The following RBFOX1 variants were observed in gnomAD, a reference collection of about 807,000 sequenced individuals.
RBFOX1 encodes RNA binding protein fox-1 homolog 1.
Under a neutral mutation model 57.7 loss-of-function variants are expected in RBFOX1, and 8 were observed. That is an observed-to-expected ratio of 0.14 (90% CI 0.08 to 0.25). The LOEUF (loss-of-function observed/expected upper bound fraction) is 0.25. Ranked by LOEUF, RBFOX1 falls within the 10% of genes least tolerant of loss-of-function variation. RBFOX1 has a pLI of 1.00. For synonymous variants in RBFOX1, 326 were observed against 222.4 expected (o/e 1.47, Z -4.15); for missense variants, 611 against 548.5 (o/e 1.11, Z -1.14).
chr16:5,792,196 T>G (rs751374004), intron 3 of RBFOX1, among the ~76,000 whole-genome samples: 45 of 152,214 alleles, frequency 3.0e-4, no homozygotes, highest in Admixed American at 5.9e-4. Flanking sequence ...TTTCAAGTGA[T>G]GTGTGTATGC....
chr16:6,020,075 A>G lies in RBFOX1; in HGVS notation c.-127+83A>G, dbSNP rs555911320. The G allele has an allele frequency of 2.9e-4, 391 of 1,328,206 alleles. 4 individuals are homozygous for G. The South Asian group carries it at 4.4e-3, about 15-fold the overall frequency. The allele number at this position is 1,328,206 out of a possible 1,614,324, so 82.3% of individuals were successfully genotyped here. On this transcript the variant is annotated intron_variant, in intron 1 of 15. Coordinates refer to ENST00000550418, the MANE Select transcript of RBFOX1 (RefSeq NM_018723.4). ...AGAAGGTCTCATGGAGGGAAGCGCT[A>G]GGTCCCCGAGAACTGGCCTCCTCCT...
chr16:7,321,811 G>A (rs2096548830), intron 4 of RBFOX1, among the ~76,000 whole-genome samples: 1 of 152,202 alleles, frequency 6.6e-6, no homozygotes, highest in Non-Finnish European at 1.5e-5. Flanking sequence ...TGTCCCACAA[G>A]GACACTGCTA....
intron 3 of RBFOX1, among the ~76,000 whole-genome samples, chr16:6,861,487 T>TCCCCCCTC (rs2058988414): frequency 7.5e-6 from 1 of 133,802 alleles, no homozygotes; most frequent in Non-Finnish European, 1.6e-5. Context: ...CCCAACCCCC[T>TCCCCCCTC]CCCCCCCCGA....
At chr16:5,558,057 C>T (rs1018257509) in intron 2 of RBFOX1, among the ~76,000 whole-genome samples, 3 of 152,156 alleles carry the variant, frequency 2.0e-5, no homozygotes, top group African/African-American at 4.8e-5. Context: ...CTCTATCCCC[C>T]GCTTCCAGCT....
At chr16:7,109,606 G>A (rs1212808425) in intron 4 of RBFOX1, among the ~76,000 whole-genome samples, 1 of 152,108 alleles carries the variant, frequency 6.6e-6, no homozygotes, top group Admixed American at 6.5e-5. Flanking sequence ...GGGATCACAA[G>A]CCCAGTTTTA....
At chr16:6,559,745 A>G (rs1331252189) in intron 2 of RBFOX1, among the ~76,000 whole-genome samples, 1 of 151,900 alleles carries the variant, frequency 6.6e-6, no homozygotes, top group Non-Finnish European at 1.5e-5. Flanking sequence ...ATATCTCTTT[A>G]TATCCATATA....
At chr16:7,293,622 T>G (rs762219818) in intron 4 of RBFOX1, among the ~76,000 whole-genome samples, 1 of 152,170 alleles carries the variant, frequency 6.6e-6, no homozygotes, top group Non-Finnish European at 1.5e-5. Flanking sequence ...ATGAGCTGCC[T>G]GTAACCGTGA....
At position 6,654,595 on chromosome 16, in the gene RBFOX1, C is replaced by T. The variant is rs1000846989; in HGVS notation, c.-63-8C>T. 8.0e-6 allele frequency: 12 copies of T among 1,505,540 alleles called. No individual in the cohort carries two copies. Among genetic ancestry groups the T allele is most frequent in the East Asian group, 2.6e-5 (1 of 38,674 alleles). 93.3% of individuals were successfully genotyped at this position (1,505,540 alleles called of 1,614,324 possible). On this transcript the variant is annotated splice_polypyrimidine_tract_variant and splice_region_variant and intron_variant, in intron 2 of 15. Transcript: ENST00000550418. ...CTCTCACTTTCCTTTCTTTTCTTCT[C>T]TTCTCAGGATATCAAAGCAGACTGC...
intron 3 of RBFOX1, among the ~76,000 whole-genome samples, chr16:5,782,627 C>A (rs1431415516): frequency 6.6e-6 from 1 of 152,116 alleles, no homozygotes; most frequent in Non-Finnish European, 1.5e-5. Context: ...GGAAACAGAA[C>A]CAATGGGAGA....
At chr16:5,325,675 A>G (rs1024883075) in intron 1 of RBFOX1, among the ~76,000 whole-genome samples, 7 of 152,120 alleles carry the variant, frequency 4.6e-5, no homozygotes, top group Admixed American at 2.6e-4. Flanking sequence ...TATAAATGAA[A>G]CCATGTAGTA....
chr16:5,747,724 C>T lies in RBFOX1; in HGVS notation c.319-119579C>T, dbSNP rs182989072. On this transcript the variant is annotated intron_variant, in intron 3 of 19. Transcript: ENST00000641259. ...TTTCTGTGGGATTCGTGGTGATATCCGCTTTATCATTATTTATTGTGTCTA... is the reference window on the plus strand; with the variant it reads ...TTTCTGTGGGATTCGTGGTGATATCTGCTTTATCATTATTTATTGTGTCTA... Among the ~76,000 whole-genome samples the T allele has an allele frequency of 2.9e-3, 447 of 152,082 alleles. 5 individuals carry two copies. The highest frequency in any genetic ancestry group is 0.01 in the African/African-American group (419 of 41,496).
chr16:6,458,527 C>T (rs1050512719), intron 2 of RBFOX1, among the ~76,000 whole-genome samples: 2 of 152,204 alleles, frequency 1.3e-5, no homozygotes, highest in Non-Finnish European at 2.9e-5. Context: ...ATCTTCATCA[C>T]AGTAAACAAC....
chr16:7,606,059 C>T (rs887520241), intron 9 of RBFOX1, among the ~76,000 whole-genome samples: 5 of 151,880 alleles, frequency 3.3e-5, no homozygotes, highest in Non-Finnish European at 5.9e-5. Context: ...AACCTGCCTG[C>T]CTTGGCCTCT....
rs368016603 is a variant in RBFOX1, at chr16:6,810,959, A to G, written c.-16+156309A>G. Among the ~76,000 whole-genome samples the G allele has an allele frequency of 2.6e-4, 40 of 152,346 alleles. 1 individual carries two copies. In the South Asian group the frequency reaches 7.3e-3, roughly 28 times the overall value. On this transcript the variant is annotated intron_variant, in intron 3 of 15. Coordinates refer to ENST00000550418, the MANE Select transcript of RBFOX1 (RefSeq NM_018723.4). Reference sequence around the variant, plus strand: ...GGTTGCTTCCAACCATACACGTAACAGATATTTCACTAAATGCTATTCCAG... The same window carrying G: ...GGTTGCTTCCAACCATACACGTAACGGATATTTCACTAAATGCTATTCCAG...
At chr16:7,281,917 G>C (rs1037775375) in intron 4 of RBFOX1, among the ~76,000 whole-genome samples, 1 of 152,106 alleles carries the variant, frequency 6.6e-6, no homozygotes, top group African/African-American at 2.4e-5. Flanking sequence ...ATGGACAGGA[G>C]GTCAGTGGCA....
At chr16:7,710,172 G>A (rs144554401) in intron 15 of RBFOX1, 4 of 1,022,502 alleles carry the variant, frequency 3.9e-6, no homozygotes, top group Non-Finnish European at 4.7e-6. Flanking sequence ...ACAGCTTACA[G>A]AGCCAAGTTA....
At chr16:6,116,376 C>G (rs996239457) in intron 1 of RBFOX1, among the ~76,000 whole-genome samples, 4 of 152,116 alleles carry the variant, frequency 2.6e-5, no homozygotes, top group South Asian at 4.1e-4. Flanking sequence ...TTCTGACAAA[C>G]CTGCACATTC....
At chr16:6,422,720 C>G (rs914611974) in intron 2 of RBFOX1, among the ~76,000 whole-genome samples, 2 of 152,104 alleles carry the variant, frequency 1.3e-5, no homozygotes, top group African/African-American at 4.8e-5. Flanking sequence ...GGAACTCTTT[C>G]ACTAGCACAA....
At chr16:5,731,869 C>T (rs1031074313) in intron 3 of RBFOX1, among the ~76,000 whole-genome samples, 1 of 152,126 alleles carries the variant, frequency 6.6e-6, no homozygotes, top group African/African-American at 2.4e-5. Flanking sequence ...GAAGACACCA[C>T]CATATCTCAC....
Sources: gnomAD v4.1 joint callset for allele counts (sites outside exome capture counted in the v4.1 genomes callset) on GRCh38, gnomAD v4.1.1 for gene constraint, MANE v1.5 for transcripts, NCBI Gene and HGNC (gene_info 2026-07-23, HGNC 2026-07-21) for gene names.